The following ZFP64 variants were observed in gnomAD, a reference collection of about 807,000 sequenced individuals.
The protein encoded by ZFP64 is ZFP64 zinc finger protein, also known as zinc finger protein 64.
ZFP64 carries 14 observed loss-of-function variants against 51.6 expected under a neutral mutation model. That is an observed-to-expected ratio of 0.27 (90% CI 0.18 to 0.42). ZFP64 has a LOEUF of 0.42. Among genes scored for constraint, ZFP64 ranks in the 10% least tolerant of loss-of-function variants. ZFP64 has a pLI of 1.00. For missense variants in ZFP64, 754 were observed against 906.8 expected (o/e 0.83, Z 2.16); for synonymous variants, 375 against 361.4 (o/e 1.04, Z -0.43).
chr20:52,150,993 T>C (rs1980764108), downstream of ZFP64, among the ~76,000 whole-genome samples: 1 of 152,252 alleles, frequency 6.6e-6, no homozygotes, highest in Non-Finnish European at 1.5e-5. Flanking sequence ...AATGGTATTC[T>C]AGAAAATTCT....
chr20:52,086,958 T>A (rs1214276795), intron 8 of ZFP64, among the ~76,000 whole-genome samples: 1 of 152,206 alleles, frequency 6.6e-6, no homozygotes, highest in Non-Finnish European at 1.5e-5. Context: ...AGAGTTTATC[T>A]TCTAGTAACT....
At chr20:52,103,602 A>T (rs2079076710) in intron 5 of ZFP64, among the ~76,000 whole-genome samples, 1 of 152,138 alleles carries the variant, frequency 6.6e-6, no homozygotes, top group Non-Finnish European at 1.5e-5. Context: ...AAAGTAGCTC[A>T]GTGCACAGAC....
Position 52,153,556 on chromosome 20 carries a change from G to T in ZFP64, c.764-128C>A. The T allele has an allele frequency of 7.4e-7, 1 of 1,353,688 alleles. No homozygotes were observed. The highest frequency in any genetic ancestry group is 9.7e-7 in the Non-Finnish European group (1 of 1,028,628). 83.9% of individuals were successfully genotyped at this position (1,353,688 alleles called of 1,614,324 possible). A position where few individuals can be genotyped will look rare whatever the true frequency, so the allele number is the denominator to read the frequency against. On this transcript the variant is annotated intron_variant, in intron 5 of 5. Transcript: ENST00000216923. The surrounding 1 kb of genome is among the most constrained non-coding windows in gnomAD (Gnocchi z 5.1). ...GCAGACCTCCTAACTGCAGCTTCTA[G>T]CAGCCCCTGGCAGTGGGGGAAGAGG...
rs557941539 is a variant in ZFP64, at chr20:52,097,574, C to T, written c.914-139G>A. ...GGTTCAAGAGATTACCCTGTTTCAG[C>T]CTCCTGAGTAGCTGGGATTACAGGC... On this transcript the variant is annotated intron_variant, in intron 6 of 8. Coordinates refer to the ZFP64 transcript ENST00000361387. 2.0e-3 allele frequency: 1,442 copies of T among 730,090 alleles called. 3 individuals carry two copies. Among genetic ancestry groups the T allele is most frequent in the Non-Finnish European group, 2.7e-3 (1,226 of 452,786 alleles). The allele number at this position is 730,090 out of a possible 1,614,324, so 45.2% of individuals were successfully genotyped here.
At chr20:52,141,751 T>C (rs140825225) in intron 5 of ZFP64, among the ~76,000 whole-genome samples, 137 of 152,342 alleles carry the variant, frequency 9.0e-4, no homozygotes, top group African/African-American at 3.2e-3. Context: ...AAATATTACA[T>C]AGCCTTAGTT....
chr20:52,135,924 C>A (rs1461375462), intron 5 of ZFP64, among the ~76,000 whole-genome samples: 1 of 151,440 alleles, frequency 6.6e-6, no homozygotes, highest in Non-Finnish European at 1.5e-5. Flanking sequence ...CATGGTGAAA[C>A]CCTGCCTTGA....
At chr20:52,088,708 A>G in intron 7 of ZFP64, 1 of 1,607,458 alleles carries the variant, frequency 6.2e-7, no homozygotes, top group Non-Finnish European at 8.5e-7. Flanking sequence ...AGATTTGACC[A>G]AGATGATAGC....
chr20:52,098,207 A>G (rs974488543), intron 6 of ZFP64, among the ~76,000 whole-genome samples: 2 of 151,586 alleles, frequency 1.3e-5, no homozygotes, highest in Non-Finnish European at 2.9e-5. Flanking sequence ...TATATGTATA[A>G]CCTCAGGGTG....
chr20:52,105,358 T>A, intron 5 of ZFP64: 1 of 1,242,694 alleles, frequency 8.0e-7, no homozygotes, highest in Non-Finnish European at 1.0e-6. Flanking sequence ...ATTCTGCTCA[T>A]CAGCCGAGCA....
chr20:52,090,728 G>A (rs940826553), intron 7 of ZFP64, among the ~76,000 whole-genome samples: 4 of 151,898 alleles, frequency 2.6e-5, no homozygotes, highest in Non-Finnish European at 4.4e-5. Flanking sequence ...GAACCCAGGA[G>A]GAGGAGGTTG....
exon 6 of ZFP64, chr20:52,098,465 C>T: frequency 6.2e-7 from 1 of 1,614,114 alleles, no homozygotes; most frequent in Non-Finnish European, 8.5e-7. Context: ...AACGTCCTCT[C>T]TCCAAGGGTG....
intron 5 of ZFP64, among the ~76,000 whole-genome samples, chr20:52,138,472 C>G (rs1216294184): frequency 6.9e-6 from 1 of 145,400 alleles, no homozygotes; most frequent in Non-Finnish European, 1.5e-5. Context: ...ATGAACCAGG[C>G]AAATGAAAAA....
At chr20:52,104,549 A>C in intron 5 of ZFP64, 31 of 343,846 alleles carry the variant, frequency 9.0e-5, no homozygotes, top group Non-Finnish European at 1.2e-4. Flanking sequence ...GTCTGCCCCC[A>C]TCACCTCTCG....
Position 52,135,084 on chromosome 20 carries a change from G to A in ZFP64, c.763+25039C>T, listed in dbSNP as rs543362827. 2.6e-4 allele frequency among the ~76,000 whole-genome samples: 39 copies of A among 151,970 alleles called. No homozygotes were observed. In the South Asian group the frequency reaches 5.6e-3, roughly 22 times the overall value. On this transcript the variant is annotated intron_variant, in intron 5 of 8. Coordinates refer to the ZFP64 transcript ENST00000361387. The stretch of plus-strand genomic sequence containing the variant: ...TCACCATGTTGCCCAGGCTGGTCTC[G>A]AACTCCTGACCTCAAGTGATCTGTC...
At chr20:52,088,268 G>T in intron 8 of ZFP64, 2 of 1,437,902 alleles carry the variant, frequency 1.4e-6, no homozygotes, top group South Asian at 1.3e-5. Flanking sequence ...AATTATCACA[G>T]AAGTTCCAAA....
intron 5 of ZFP64, among the ~76,000 whole-genome samples, chr20:52,123,327 G>C (rs191973068): frequency 2.6e-5 from 4 of 152,176 alleles, no homozygotes; most frequent in African/African-American, 4.8e-5. Context: ...AATTTTGAAA[G>C]AAGTTCTATT....
In ZFP64 at chr20:52,152,033, T is replaced by C; in HGVS notation, c.*113A>G. 6.9e-7 allele frequency: 1 copy of C among 1,457,642 alleles called. No homozygotes were observed. The highest frequency in any genetic ancestry group is 1.5e-5 in the South Asian group (1 of 68,168). 90.3% of individuals were successfully genotyped at this position (1,457,642 alleles called of 1,614,324 possible). The stretch of plus-strand genomic sequence containing the variant: ...GCCTGGGAAACAGAGCGAGACTCCG[T>C]CTCAAAAACAAAACAAAACAAAGAA... On this transcript the variant is annotated 3_prime_UTR_variant, in exon 6 of 6. Coordinates refer to ENST00000216923, the MANE Select transcript of ZFP64 (RefSeq NM_018197.3).
chr20:52,103,962 TGC>T (rs1264045908), intron 5 of ZFP64, among the ~76,000 whole-genome samples: 23 of 152,212 alleles, frequency 1.5e-4, no homozygotes, highest in African/African-American at 5.3e-4. Context: ...TGGAAGTTGA[TGC>T]GGAAGCTGGA....
chr20:52,183,673 A>C (rs1983769275), intron 2 of ZFP64, among the ~76,000 whole-genome samples: 1 of 152,148 alleles, frequency 6.6e-6, no homozygotes, highest in African/African-American at 2.4e-5. Flanking sequence ...GGAAGATCTC[A>C]ACATACTTTT....
Sources: gnomAD v4.1 joint callset for allele counts (sites outside exome capture counted in the v4.1 genomes callset) on GRCh38, gnomAD v4.1.1 for gene constraint, Gnocchi (gnomAD v3.1) non-coding constraint, MANE v1.5 for transcripts, NCBI Gene and HGNC (gene_info 2026-07-23, HGNC 2026-07-21) for gene names.